CLMP: variants seen among roughly 807,000 people sequenced by gnomAD.
CLMP encodes the protein CXADR like cell adhesion molecule.
CLMP carries 27 observed loss-of-function variants against 45.2 expected under a neutral mutation model. That is an observed-to-expected ratio of 0.60 (90% CI 0.44 to 0.82). The LOEUF (loss-of-function observed/expected upper bound fraction) is 0.82, where lower values mean the gene tolerates loss of function less well. Ranked by LOEUF, CLMP falls within the 40% of genes least tolerant of loss-of-function variation. The pLI is 0.00. For missense variants in CLMP, 403 were observed against 448.4 expected, an observed-to-expected ratio of 0.90 and a Z score of 0.91; for synonymous variants, 167 against 171.4, an observed-to-expected ratio of 0.97 and a Z score of 0.20.
intron 1 of CLMP, among the ~76,000 whole-genome samples, chr11:123,143,033 A>G (rs2135518619): frequency 6.6e-6 from 1 of 152,318 alleles, no homozygotes; most frequent in Non-Finnish European, 1.5e-5. Flanking sequence ...GCCTAGCTCC[A>G]GGAAGGGACA....
At chr11:123,137,620 G>T (rs1384084542) in intron 1 of CLMP, among the ~76,000 whole-genome samples, 2 of 152,026 alleles carry the variant, frequency 1.3e-5, no homozygotes, top group East Asian at 1.9e-4. Context: ...GCTGCAGGCT[G>T]CCTGCAGCCT....
At chr11:123,165,228 C>T (rs12802926) in intron 1 of CLMP, among the ~76,000 whole-genome samples, 6 of 152,006 alleles carry the variant, frequency 3.9e-5, no homozygotes, top group Non-Finnish European at 7.4e-5. Context: ...GTTCCAAACA[C>T]GTAGCTAACC....
rs1156396509 is a variant in CLMP, at chr11:123,072,310, G to C, written c.*1164C>G. 1 of 143,514 alleles carries C rather than the reference G, an allele frequency of 7.0e-6. No individual in the cohort carries two copies. Among genetic ancestry groups the C allele is most frequent in the Non-Finnish European group, 1.5e-5 (1 of 66,266 alleles). 8.9% of individuals were successfully genotyped at this position (143,514 alleles called of 1,614,324 possible). A position where few individuals can be genotyped will look rare whatever the true frequency, so the allele number is the denominator to read the frequency against. On this transcript the variant is annotated 3_prime_UTR_variant, in exon 7 of 7. Transcript: ENST00000448775. ...ACTGAACTTCCTTTTATCCTTCCTTGATTTTTTTTTTTTTTTGAGATGGAG... is the reference window on the plus strand; with the variant it reads ...ACTGAACTTCCTTTTATCCTTCCTTCATTTTTTTTTTTTTTTGAGATGGAG...
intron 1 of CLMP, among the ~76,000 whole-genome samples, chr11:123,099,290 C>A (rs533684828): frequency 1.3e-5 from 2 of 152,254 alleles, no homozygotes; most frequent in South Asian, 4.1e-4. Context: ...AACCTTCTTA[C>A]TTTCTTTAAG....
At position 123,107,375 on chromosome 11, in the gene CLMP, C is replaced by T. The variant is rs943210400; in HGVS notation, c.29-9423G>A. Reference sequence around the variant, plus strand: ...CCTTGTGAATAGCTGGGATTATAGGCGCATGCCACCACATCTGGCAAATTT... The same window carrying T: ...CCTTGTGAATAGCTGGGATTATAGGTGCATGCCACCACATCTGGCAAATTT... On this transcript the variant is annotated intron_variant, in intron 1 of 6. Transcript: ENST00000448775. 8.1e-5 allele frequency among the ~76,000 whole-genome samples: 12 copies of T among 149,026 alleles called. No homozygotes were observed. In the East Asian group the frequency reaches 1.0e-3, roughly 13 times the overall value.
chr11:123,145,450 C>CTGT (rs1215949468), intron 1 of CLMP, among the ~76,000 whole-genome samples: 1 of 102,246 alleles, frequency 9.8e-6, no homozygotes, highest in South Asian at 3.5e-4. Context: ...AGCTCTGCGG[C>CTGT]TGTTTTTTTT....
rs866729881 is a variant in CLMP, at chr11:123,089,796, A to G, written c.187-5083T>C. ...CATCTCAAAAAAAAAAAAAAAAAGA[A>G]AAAGAAAAAGAAACAAAACAAGGCT... is the stretch of plus-strand genomic sequence containing the variant. On this transcript the variant is annotated intron_variant, in intron 2 of 6. Transcript: ENST00000448775. 9.8e-3 allele frequency among the ~76,000 whole-genome samples: 984 copies of G among 100,540 alleles called. 17 individuals are homozygous for G. The highest frequency in any genetic ancestry group is 0.035 in the African/African-American group (882 of 24,942). The allele number at this position is 100,540 out of a possible 152,430, so 66.0% of individuals were successfully genotyped here. A position where few individuals can be genotyped will look rare whatever the true frequency, so the allele number is the denominator to read the frequency against.
At chr11:123,181,618 G>T in intron 1 of CLMP, among the ~76,000 whole-genome samples, 2 of 152,182 alleles carry the variant, frequency 1.3e-5, no homozygotes, top group Admixed American at 1.3e-4. Flanking sequence ...GGTCTTGTAC[G>T]GCACTATCTC....
chr11:123,156,953 C>T (rs970381693), intron 1 of CLMP, among the ~76,000 whole-genome samples: 10 of 152,086 alleles, frequency 6.6e-5, no homozygotes, highest in African/African-American at 1.9e-4. Flanking sequence ...AGGCTTGTGA[C>T]CAAAATAACA....
In CLMP at chr11:123,073,236, C is replaced by G; in HGVS notation, c.*238G>C. The stretch of plus-strand genomic sequence containing the variant: ...CAAATAGATTTGGACTCCTGCTTTC[C>G]CTTACTCTGGTCTAAAGGCACAATA... On this transcript the variant is annotated 3_prime_UTR_variant, in exon 7 of 7. Coordinates refer to ENST00000448775, the MANE Select transcript of CLMP (RefSeq NM_024769.5). 1 of 443,768 alleles carries G rather than the reference C, an allele frequency of 2.3e-6. No individual in the cohort carries two copies. The highest frequency in any genetic ancestry group is 4.0e-6 in the Non-Finnish European group (1 of 252,486). The allele number at this position is 443,768 out of a possible 1,614,324, so 27.5% of individuals were successfully genotyped here. A position where few individuals can be genotyped will look rare whatever the true frequency, so the allele number is the denominator to read the frequency against.
intron 1 of CLMP, among the ~76,000 whole-genome samples, chr11:123,155,939 C>T (rs369823705): frequency 6.6e-5 from 10 of 152,216 alleles, no homozygotes; most frequent in African/African-American, 1.7e-4. Flanking sequence ...AGGCTTCCTG[C>T]CAACAACCAA....
intron 1 of CLMP, among the ~76,000 whole-genome samples, chr11:123,142,651 C>T (rs1267333486): frequency 1.2e-4 from 12 of 103,306 alleles, no homozygotes; most frequent in Non-Finnish European, 1.8e-4. Context: ...GACGGAGTCT[C>T]GCTCTGTGCC....
chr11:123,148,088 A>G (rs913560147), intron 1 of CLMP, among the ~76,000 whole-genome samples: 1 of 152,212 alleles, frequency 6.6e-6, no homozygotes, highest in African/African-American at 2.4e-5. Flanking sequence ...TCTATAAAAT[A>G]GGATGCTAAT....
At chr11:123,106,408 T>A (rs1860551832) in intron 1 of CLMP, among the ~76,000 whole-genome samples, 1 of 124,100 alleles carries the variant, frequency 8.1e-6, no homozygotes, top group African/African-American at 3.0e-5. Flanking sequence ...TGTGTGTGTG[T>A]GTGTGTGTGT....
intron 1 of CLMP, among the ~76,000 whole-genome samples, chr11:123,150,151 A>G (rs1861292704): frequency 6.6e-6 from 1 of 151,442 alleles, no homozygotes; most frequent in South Asian, 2.1e-4. Flanking sequence ...TAAAAGTAGG[A>G]GAGATGTTAT....
rs1865683476 is a variant in CLMP at position 123,072,486 on chromosome 11, TC to T, written c.*987del. Reference sequence around the variant, plus strand: ...AAACTGATCTAATCTCCCTTTCTAGTCCACCCAGTCTTGCAATTCTGGTTTC... The same window carrying T: ...AAACTGATCTAATCTCCCTTTCTAGTCACCCAGTCTTGCAATTCTGGTTTC... On this transcript the variant is annotated 3_prime_UTR_variant, in exon 7 of 7. Transcript: ENST00000448775. 2 of 152,154 alleles carry T rather than the reference TC, an allele frequency of 1.3e-5. No homozygotes were observed. The highest frequency in any genetic ancestry group is 4.1e-4 in the South Asian group (2 of 4,832). The allele number at this position is 152,154 out of a possible 1,614,324, so 9.4% of individuals were successfully genotyped here. A position where few individuals can be genotyped will look rare whatever the true frequency, so the allele number is the denominator to read the frequency against.
chr11:123,128,339 G>A (rs907171456), intron 1 of CLMP, among the ~76,000 whole-genome samples: 3 of 141,308 alleles, frequency 2.1e-5, no homozygotes, highest in African/African-American at 8.2e-5. Context: ...GCTCAGGCCT[G>A]TAATCCTGGC....
At chr11:123,116,961 G>A (rs2135495773) in intron 1 of CLMP, among the ~76,000 whole-genome samples, 1 of 152,140 alleles carries the variant, frequency 6.6e-6, no homozygotes, top group Non-Finnish European at 1.5e-5. Flanking sequence ...GAGGATAAAA[G>A]GTCTCAGCCA....
At chr11:123,103,742 A>G (rs1473236209) in intron 1 of CLMP, among the ~76,000 whole-genome samples, 1 of 133,866 alleles carries the variant, frequency 7.5e-6, no homozygotes, top group African/African-American at 2.8e-5. Flanking sequence ...AAGCTTTTAC[A>G]TTTTTTTACA....
Sources: gnomAD v4.1 joint callset for allele counts (sites outside exome capture counted in the v4.1 genomes callset) on GRCh38, gnomAD v4.1.1 for gene constraint, MANE v1.5 for transcripts, NCBI Gene and HGNC (gene_info 2026-07-23, HGNC 2026-07-21) for gene names.